Variants in NDST4 observed in about 807,000 individuals in gnomAD.
The protein encoded by NDST4 is N-deacetylase and N-sulfotransferase 4, also known as N-heparan sulfate sulfotransferase 4.
In NDST4, 63 loss-of-function variants were observed where a neutral mutation model predicts 100.8. The ratio of observed to expected loss-of-function variants is 0.62; its 90% CI spans 0.51 to 0.77. The LOEUF is 0.77. NDST4 is among the 30% of genes least tolerant of loss of function. The probability of loss-of-function intolerance (pLI) is 0.00; values close to 1 mark genes in which losing one functional copy is unlikely to be tolerated. For synonymous variants in NDST4, 377 were observed against 361.8 expected (o/e 1.04, Z -0.48); for missense variants, 943 against 1,018.4 (o/e 0.93, Z 1.01).
At chr4:114,973,002 C>T (rs755291334) in intron 3 of NDST4, among the ~76,000 whole-genome samples, 4 of 151,946 alleles carry the variant, frequency 2.6e-5, no homozygotes, top group Non-Finnish European at 5.9e-5. Flanking sequence ...TAATTTTTGT[C>T]AGCTTTTCTC....
At chr4:114,997,092 C>T (rs926984072) in intron 2 of NDST4, among the ~76,000 whole-genome samples, 3 of 151,992 alleles carry the variant, frequency 2.0e-5, no homozygotes, top group South Asian at 2.1e-4. Context: ...TCCTATTTTC[C>T]GCTTATCCAG....
chr4:114,949,743 A>G (rs1417140373), intron 4 of NDST4, among the ~76,000 whole-genome samples: 1 of 152,094 alleles, frequency 6.6e-6, no homozygotes, highest in East Asian at 1.9e-4. Context: ...ACAATGTTCA[A>G]TGCCCACTAC....
intron 6 of NDST4, among the ~76,000 whole-genome samples, chr4:114,885,638 T>C (rs1724461869): frequency 6.6e-6 from 1 of 152,146 alleles, no homozygotes; most frequent in African/African-American, 2.4e-5. Flanking sequence ...AGTTAAATGT[T>C]TTCTTTGTAA....
At chr4:114,867,646 T>TAAAAAAAAAAAAAAAAAAAAAAAA (rs761173470) in intron 7 of NDST4, among the ~76,000 whole-genome samples, 1 of 26,750 alleles carries the variant, frequency 3.7e-5, no homozygotes, top group East Asian at 1.7e-3. Flanking sequence ...ATGAGAATTA[T>TAAAAAAAAAAAAAAAAAAAAAAAA]AAAAAAAAAA....
Position 115,005,986 on chromosome 4 carries a change from C to T in NDST4, c.979-28712G>A, listed in dbSNP as rs144982996. Reference sequence around the variant, plus strand: ...GGCAGAGCTTGCAGTGAGCTGAGATCGCGTCACTGCACTCCAGCCTGGGTG... The same window carrying T: ...GGCAGAGCTTGCAGTGAGCTGAGATTGCGTCACTGCACTCCAGCCTGGGTG... On this transcript the variant is annotated intron_variant, in intron 2 of 13. Coordinates refer to ENST00000264363, the MANE Select transcript of NDST4 (RefSeq NM_022569.3). Among the ~76,000 whole-genome samples the T allele has an allele frequency of 2.6e-3, 345 of 132,696 alleles. 1 individual carries two copies. The highest frequency in any genetic ancestry group is 3.4e-3 in the Non-Finnish European group (219 of 64,790). 87.1% of individuals were successfully genotyped at this position (132,696 alleles called of 152,430 possible). A position where few individuals can be genotyped will look rare whatever the true frequency, so the allele number is the denominator to read the frequency against.
At chr4:114,903,516 C>T (rs901806753) in intron 6 of NDST4, among the ~76,000 whole-genome samples, 2 of 151,886 alleles carry the variant, frequency 1.3e-5, no homozygotes, top group Non-Finnish European at 2.9e-5. Flanking sequence ...CTGATTCCCA[C>T]GGAGATTTCT....
intron 2 of NDST4, among the ~76,000 whole-genome samples, chr4:114,995,243 A>G (rs920297883): frequency 2.6e-5 from 4 of 152,098 alleles, no homozygotes; most frequent in African/African-American, 9.7e-5. Flanking sequence ...ATATGAATGT[A>G]GAATCATTAA....
intron 12 of NDST4, among the ~76,000 whole-genome samples, chr4:114,833,277 A>G (rs1400514739): frequency 6.6e-6 from 1 of 152,222 alleles, no homozygotes; most frequent in African/African-American, 2.4e-5. Flanking sequence ...AAGAGGAGAC[A>G]ATATCTTTTT....
Position 115,057,735 on chromosome 4 carries a change from GACA to G in NDST4, c.978+18321_978+18323del, listed in dbSNP as rs1728730559. 2.1e-5 allele frequency among the ~76,000 whole-genome samples: 3 copies of G among 141,648 alleles called. No individual in the cohort carries two copies. In the East Asian group the frequency reaches 6.4e-4, roughly 30 times the overall value. 92.9% of individuals were successfully genotyped at this position (141,648 alleles called of 152,430 possible). ...ACACACACACACACACACACACACA[GACA>G]CACACACACACACACACACACCAAA... is the stretch of plus-strand genomic sequence containing the variant. On this transcript the variant is annotated intron_variant, in intron 2 of 13. Coordinates refer to ENST00000264363, the MANE Select transcript of NDST4 (RefSeq NM_022569.3).
intron 4 of NDST4, among the ~76,000 whole-genome samples, chr4:114,945,809 A>C (rs1288957732): frequency 6.6e-6 from 1 of 152,162 alleles, no homozygotes; most frequent in East Asian, 1.9e-4. Flanking sequence ...CACTGTGTTT[A>C]GGGGACTGAA....
intron 2 of NDST4, among the ~76,000 whole-genome samples, chr4:115,042,676 T>A (rs1728377226): frequency 6.6e-6 from 1 of 151,980 alleles, no homozygotes; most frequent in African/African-American, 2.4e-5. Context: ...CTATCCAAGG[T>A]TTAAGGAATC....
chr4:114,855,593 G>T (rs189547860), intron 7 of NDST4, among the ~76,000 whole-genome samples: 3 of 151,822 alleles, frequency 2.0e-5, no homozygotes, highest in South Asian at 2.1e-4. Context: ...TAGAGGTATG[G>T]GTTTATTTCT....
intron 3 of NDST4, among the ~76,000 whole-genome samples, chr4:114,972,256 C>A (rs1401719643): frequency 1.3e-5 from 2 of 151,914 alleles, no homozygotes; most frequent in African/African-American, 4.8e-5. Context: ...CTTCACATGG[C>A]CACCAAAGTA....
intron 4 of NDST4, among the ~76,000 whole-genome samples, chr4:114,956,597 G>C (rs1449363910): frequency 6.6e-6 from 1 of 152,110 alleles, no homozygotes; most frequent in Non-Finnish European, 1.5e-5. Context: ...CTGATAATTA[G>C]TATAGGCTCA....
At chr4:114,953,244 G>C (rs1336188577) in intron 4 of NDST4, among the ~76,000 whole-genome samples, 1 of 151,884 alleles carries the variant, frequency 6.6e-6, no homozygotes, top group East Asian at 1.9e-4. Context: ...ATAAGCCTAA[G>C]AACCTTTCTC....
chr4:115,107,444 GC>G (rs1221959106), intron 1 of NDST4, among the ~76,000 whole-genome samples: 1 of 151,236 alleles, frequency 6.6e-6, no homozygotes, highest in Non-Finnish European at 1.5e-5. Flanking sequence ...CAGCTTGTCA[GC>G]TTGCACATTA....
At position 114,983,159 on chromosome 4, in the gene NDST4, T is replaced by C. The variant is rs117542838; in HGVS notation, c.979-5885A>G. Among the ~76,000 whole-genome samples, 1,035 of 152,290 alleles carry C rather than the reference T, an allele frequency of 6.8e-3. 37 individuals carry two copies. In the East Asian group the frequency reaches 0.08, roughly 12 times the overall value. On this transcript the variant is annotated intron_variant, in intron 2 of 13. Transcript: ENST00000264363. ...ACCAGGGCAGTGCAGAGGGGAAATG[T>C]GGGGTTGGAACACCCTTTCCAAATC...
rs140667641 is a variant in NDST4 at position 114,836,458 on chromosome 4, T to G, written c.2287-2743A>C. On this transcript the variant is annotated intron_variant, in intron 11 of 13. Transcript: ENST00000264363. ...TTTAATATTGGCCCCCACTCTCTTC[T>G]GGCTTGTAGGGGTTCTGCAGAGATC... 2.2e-3 allele frequency among the ~76,000 whole-genome samples: 334 copies of G among 152,336 alleles called. 10 individuals carry two copies. In the East Asian group the frequency reaches 0.05, roughly 23 times the overall value.
At chr4:114,861,166 C>T (rs1291620343) in intron 7 of NDST4, among the ~76,000 whole-genome samples, 1 of 152,188 alleles carries the variant, frequency 6.6e-6, no homozygotes, top group South Asian at 2.1e-4. Context: ...GCCTACATTT[C>T]TAGCTTAAGC....
Sources: allele counts gnomAD v4.1 joint callset (sites outside exome capture counted in the v4.1 genomes callset), GRCh38; gene constraint gnomAD v4.1.1; transcripts MANE v1.5; gene names NCBI Gene and HGNC (gene_info 2026-07-23, HGNC 2026-07-21).